KAZN: variants seen among roughly 807,000 people sequenced by gnomAD.
KAZN encodes kazrin.
KAZN carries 40 observed loss-of-function variants against 87.4 expected under a neutral mutation model. That is an observed-to-expected ratio of 0.46 (90% CI 0.36 to 0.60). KAZN has a LOEUF of 0.60. Among genes scored for constraint, KAZN ranks in the 20% least tolerant of loss-of-function variants. The pLI is 0.00. For missense variants in KAZN, 898 were observed against 1,073.9 expected (o/e 0.84, Z 2.29); for synonymous variants, 466 against 458.3 (o/e 1.02, Z -0.22).
In KAZN at chr1:14,519,928, C is replaced by A. The variant is rs1176156464; in HGVS notation, c.250-79055C>A. On this transcript the variant is annotated intron_variant, in intron 2 of 16. Transcript: ENST00000636203. ...AGAGTGTCCTCAGGCACCCAGAGGG[C>A]CCCATGATGGTGTGGGAGCTGTGGA... Among the ~76,000 whole-genome samples the A allele has an allele frequency of 2.6e-5, 4 of 152,244 alleles. No individual in the cohort carries two copies. In the East Asian group the frequency reaches 7.8e-4, roughly 30 times the overall value.
At chr1:14,932,588 GC>G (rs1659970471) in intron 1 of KAZN, among the ~76,000 whole-genome samples, 1 of 152,128 alleles carries the variant, frequency 6.6e-6, no homozygotes, top group South Asian at 2.1e-4. Flanking sequence ...GTTGGAGCTG[GC>G]CCTGAATCAG....
chr1:14,504,121 A>G (rs1407218252), intron 2 of KAZN, among the ~76,000 whole-genome samples: 1 of 152,202 alleles, frequency 6.6e-6, no homozygotes, highest in Non-Finnish European at 1.5e-5. Context: ...CCAATCAAGA[A>G]GTCCCCAGAG....
intron 1 of KAZN, among the ~76,000 whole-genome samples, chr1:13,920,444 C>T (rs1288955325): frequency 6.6e-6 from 1 of 152,090 alleles, no homozygotes; most frequent in Non-Finnish European, 1.5e-5. Flanking sequence ...TGTAAGTCCT[C>T]CAGCTTTGCT....
intron 1 of KAZN, among the ~76,000 whole-genome samples, chr1:14,742,335 A>G (rs1407449429): frequency 6.6e-6 from 1 of 152,200 alleles, no homozygotes; most frequent in Non-Finnish European, 1.5e-5. Flanking sequence ...TGTGTTATTC[A>G]TGAATGTGTC....
At chr1:14,601,783 A>G (rs776932289) in intron 1 of KAZN, among the ~76,000 whole-genome samples, 2 of 152,162 alleles carry the variant, frequency 1.3e-5, no homozygotes, top group African/African-American at 2.4e-5. Flanking sequence ...TTTAAGTGCT[A>G]TTGAGTTATC....
At chr1:14,023,086 G>C (rs1640921293) in intron 1 of KAZN, among the ~76,000 whole-genome samples, 1 of 152,138 alleles carries the variant, frequency 6.6e-6, no homozygotes, top group Non-Finnish European at 1.5e-5. Context: ...AGGCTGAGGT[G>C]GGAGGACTGC....
intron 2 of KAZN, among the ~76,000 whole-genome samples, chr1:14,469,497 C>G (rs1036206857): frequency 1.3e-5 from 2 of 152,288 alleles, no homozygotes; most frequent in Non-Finnish European, 2.9e-5. Context: ...TAGCAGAAAA[C>G]TGTTATTGTT....
chr1:14,585,127 G>T (rs539904940), intron 2 of KAZN, among the ~76,000 whole-genome samples: 1 of 152,288 alleles, frequency 6.6e-6, no homozygotes, highest in South Asian at 2.1e-4. Flanking sequence ...GGCCTCAGAA[G>T]AAACTAACCC....
intron 8 of KAZN, among the ~76,000 whole-genome samples, chr1:15,093,228 C>T (rs1313480876): frequency 6.6e-6 from 1 of 152,006 alleles, no homozygotes; most frequent in Non-Finnish European, 1.5e-5. Flanking sequence ...ATGCACACAC[C>T]TCAAATGCAC....
intron 1 of KAZN, among the ~76,000 whole-genome samples, chr1:14,871,907 T>G (rs1288204531): frequency 6.7e-6 from 1 of 148,784 alleles, no homozygotes; most frequent in Non-Finnish European, 1.5e-5. Context: ...TTAGAGGGGG[T>G]GGGCCAGGAG....
At chr1:14,435,246 A>G (rs779881111) in intron 2 of KAZN, among the ~76,000 whole-genome samples, 154 of 151,764 alleles carry the variant, frequency 1.0e-3, no homozygotes, top group Non-Finnish European at 1.5e-3. Context: ...TTTCAACTCT[A>G]CCCTTGGCCT....
intron 2 of KAZN, among the ~76,000 whole-genome samples, chr1:14,389,780 G>A (rs886840580): frequency 6.6e-6 from 1 of 152,104 alleles, no homozygotes; most frequent in Non-Finnish European, 1.5e-5. Flanking sequence ...GCTAGAAAGG[G>A]TGAGTAAGAT....
At chr1:14,633,860 C>T (rs1217374439) in intron 1 of KAZN, among the ~76,000 whole-genome samples, 4 of 150,446 alleles carry the variant, frequency 2.7e-5, no homozygotes, top group Non-Finnish European at 5.9e-5. Context: ...ACAGCATTTG[C>T]GCGCGCACTC....
chr1:13,986,479 T>A (rs1160430200), intron 1 of KAZN, among the ~76,000 whole-genome samples: 2 of 152,232 alleles, frequency 1.3e-5, no homozygotes, highest in African/African-American at 4.8e-5. Flanking sequence ...TCCAAATTAA[T>A]TTTTATAGGT....
intron 1 of KAZN, among the ~76,000 whole-genome samples, chr1:14,728,757 A>G (rs1196634871): frequency 6.6e-6 from 1 of 152,164 alleles, no homozygotes; most frequent in Non-Finnish European, 1.5e-5. Context: ...TGCCTCTGGC[A>G]TCTCACAAAC....
At chr1:14,582,157 TAA>T (rs1393781389) in intron 2 of KAZN, among the ~76,000 whole-genome samples, 2 of 151,874 alleles carry the variant, frequency 1.3e-5, no homozygotes, top group East Asian at 3.9e-4. Context: ...AAAAAAAACC[TAA>T]AGTTTAGAGA....
At chr1:14,850,460 T>A (rs933228944) in intron 1 of KAZN, among the ~76,000 whole-genome samples, 1 of 152,124 alleles carries the variant, frequency 6.6e-6, no homozygotes, top group Admixed American at 6.5e-5. Context: ...ACGGCTAACA[T>A]CATCGCCATT....
At chr1:14,653,986 CA>C (rs1361882014) in intron 1 of KAZN, among the ~76,000 whole-genome samples, 1 of 152,134 alleles carries the variant, frequency 6.6e-6, no homozygotes, top group Non-Finnish European at 1.5e-5. Flanking sequence ...ACAATTATAA[CA>C]ACCAAAAATA....
chr1:14,950,892 A>G (rs1662398298), intron 1 of KAZN, among the ~76,000 whole-genome samples: 1 of 152,078 alleles, frequency 6.6e-6, no homozygotes, highest in Admixed American at 6.5e-5. Flanking sequence ...GCTTTTGTCT[A>G]CCTGCAGGGT....
Sources: allele counts gnomAD v4.1 joint callset (sites outside exome capture counted in the v4.1 genomes callset), GRCh38; gene constraint gnomAD v4.1.1; transcripts MANE v1.5; gene names NCBI Gene and HGNC (gene_info 2026-07-23, HGNC 2026-07-21).